CAMTA1: variants seen among roughly 807,000 people sequenced by gnomAD.
CAMTA1 encodes calmodulin binding transcription activator 1.
Under a neutral mutation model 170.9 loss-of-function variants are expected in CAMTA1, and 27 were observed. That is an observed-to-expected ratio of 0.16 (90% CI 0.12 to 0.22). The LOEUF is 0.22. Among genes scored for constraint, CAMTA1 ranks in the 10% least tolerant of loss-of-function variants. CAMTA1 has a pLI of 1.00. For missense variants in CAMTA1, 1,619 were observed against 2,217.2 expected (o/e 0.73, Z 5.42); for synonymous variants, 833 against 891.5 (o/e 0.93, Z 1.17).
intron 5 of CAMTA1, among the ~76,000 whole-genome samples, chr1:7,301,554 A>T (rs1674764952): frequency 6.6e-6 from 1 of 151,724 alleles, no homozygotes; most frequent in African/African-American, 2.4e-5. Flanking sequence ...AGCCCCTCAG[A>T]TGACTTGTGT....
At chr1:6,818,302 A>G (rs1383499595) in intron 1 of CAMTA1, among the ~76,000 whole-genome samples, 1 of 152,166 alleles carries the variant, frequency 6.6e-6, no homozygotes, top group African/African-American at 2.4e-5. Flanking sequence ...CCACCACTAC[A>G]CTCCAGTCTG....
intron 3 of CAMTA1, among the ~76,000 whole-genome samples, chr1:6,898,369 C>T (rs866182643): frequency 6.6e-6 from 1 of 152,008 alleles, no homozygotes; most frequent in African/African-American, 2.4e-5. Context: ...CTGGCTAACA[C>T]GGTGAAACCC....
At chr1:7,308,353 G>T (rs974842132) in intron 5 of CAMTA1, among the ~76,000 whole-genome samples, 1 of 151,158 alleles carries the variant, frequency 6.6e-6, no homozygotes, top group Non-Finnish European at 1.5e-5. Context: ...AATTCCATTT[G>T]TAATTCATTC....
rs1399410685 is a variant in CAMTA1 at position 7,146,349 on chromosome 1, G to T, written c.302+54978G>T. ...GTTAATTTCCACATATCCTGGAGGG[G>T]GAAGAAGCACGTATGAAAGAAGTGA... is the stretch of plus-strand genomic sequence containing the variant. On this transcript the variant is annotated intron_variant, in intron 4 of 22. Coordinates refer to ENST00000303635, the MANE Select transcript of CAMTA1 (RefSeq NM_015215.4). This position sits in a 1 kb window ranked among gnomAD's most constrained non-coding sequence, Gnocchi z 4.3. Among the ~76,000 whole-genome samples the T allele has an allele frequency of 1.3e-5, 2 of 152,170 alleles. No individual in the cohort carries two copies. Among genetic ancestry groups the T allele is most frequent in the East Asian group, 3.9e-4 (2 of 5,192 alleles).
At chr1:7,013,912 C>T (rs1700170693) in intron 3 of CAMTA1, among the ~76,000 whole-genome samples, 1 of 152,234 alleles carries the variant, frequency 6.6e-6, no homozygotes, top group African/African-American at 2.4e-5. Flanking sequence ...AAGCAGCCAG[C>T]TGAGAGCCTC....
chr1:7,377,396 T>A (rs572194663), intron 5 of CAMTA1, among the ~76,000 whole-genome samples: 32 of 152,344 alleles, frequency 2.1e-4, no homozygotes, highest in Admixed American at 1.8e-3. Flanking sequence ...TCCCTCCTCC[T>A]TACTGTTCTC....
chr1:7,132,513 A>G (rs1645322141), intron 4 of CAMTA1, among the ~76,000 whole-genome samples: 1 of 152,182 alleles, frequency 6.6e-6, no homozygotes, highest in Non-Finnish European at 1.5e-5. Context: ...TTAATTTTAC[A>G]TAATTATAGA....
chr1:6,985,741 G>C (rs1695250071), intron 3 of CAMTA1, among the ~76,000 whole-genome samples: 1 of 152,204 alleles, frequency 6.6e-6, no homozygotes, highest in Admixed American at 6.5e-5. Flanking sequence ...GAGGATTGAT[G>C]TACAGTGGGC....
At chr1:6,813,993 A>G (rs1189643780) in intron 1 of CAMTA1, among the ~76,000 whole-genome samples, 1 of 152,148 alleles carries the variant, frequency 6.6e-6, no homozygotes, top group African/African-American at 2.4e-5. Flanking sequence ...TAATTTATGA[A>G]TTCTATAAGT....
At chr1:7,188,165 C>T (rs915672332) in intron 4 of CAMTA1, among the ~76,000 whole-genome samples, 4 of 152,116 alleles carry the variant, frequency 2.6e-5, no homozygotes, top group Non-Finnish European at 4.4e-5. Context: ...GGGGGAACTG[C>T]CCCCATGATC....
intron 5 of CAMTA1, among the ~76,000 whole-genome samples, chr1:7,392,239 A>T (rs1264171907): frequency 1.3e-5 from 2 of 148,730 alleles, no homozygotes; most frequent in Admixed American, 6.8e-5. Context: ...TCCAAACCTC[A>T]ACATGGTGAG....
chr1:7,142,892 A>G (rs1645968977), intron 4 of CAMTA1, among the ~76,000 whole-genome samples: 2 of 152,234 alleles, frequency 1.3e-5, no homozygotes, highest in African/African-American at 4.8e-5. Flanking sequence ...CTTCCCTGAA[A>G]CACGAGAGGC....
chr1:7,539,340 T>C (rs1319817444), intron 6 of CAMTA1, among the ~76,000 whole-genome samples: 2 of 152,232 alleles, frequency 1.3e-5, no homozygotes, highest in Admixed American at 1.3e-4. Context: ...TGAAGAGCAG[T>C]GGCCTTTTCT....
At chr1:7,111,272 AC>A (rs745961472) in intron 4 of CAMTA1, among the ~76,000 whole-genome samples, 2 of 152,160 alleles carry the variant, frequency 1.3e-5, no homozygotes. Context: ...CTTCCCCTTT[AC>A]CACATAATCT....
chr1:7,071,511 T>A (rs1021333905), intron 3 of CAMTA1, among the ~76,000 whole-genome samples: 6 of 152,326 alleles, frequency 3.9e-5, no homozygotes, highest in East Asian at 1.9e-4. Context: ...ATCTATTTTT[T>A]AAAAATAAAC....
chr1:7,056,363 G>C (rs1261996376), intron 3 of CAMTA1, among the ~76,000 whole-genome samples: 1 of 152,174 alleles, frequency 6.6e-6, no homozygotes, highest in East Asian at 1.9e-4. Context: ...CCTGCCACGA[G>C]AAGATGCAGC....
intron 3 of CAMTA1, among the ~76,000 whole-genome samples, chr1:6,847,755 G>A (rs898207057): frequency 2.0e-5 from 3 of 151,034 alleles, no homozygotes; most frequent in African/African-American, 7.3e-5. Flanking sequence ...CCAGGCTGGA[G>A]TACAGTGGCG....
chr1:7,602,084 C>T (rs1463503897), intron 6 of CAMTA1, among the ~76,000 whole-genome samples: 1 of 35,370 alleles, frequency 2.8e-5, no homozygotes, highest in African/African-American at 2.0e-4. Flanking sequence ...ATTTTCTTTC[C>T]TTCCTTCCTT....
chr1:7,331,175 G>T (rs2083008607), intron 5 of CAMTA1, among the ~76,000 whole-genome samples: 1 of 152,320 alleles, frequency 6.6e-6, no homozygotes, highest in African/African-American at 2.4e-5. Context: ...AGAGGCAGAG[G>T]TTGTGGTGAG....
Sources: gnomAD v4.1 joint callset for allele counts (sites outside exome capture counted in the v4.1 genomes callset) on GRCh38, gnomAD v4.1.1 for gene constraint, Gnocchi (gnomAD v3.1) non-coding constraint, MANE v1.5 for transcripts, NCBI Gene and HGNC (gene_info 2026-07-23, HGNC 2026-07-21) for gene names.